KLHL29: variants seen among roughly 807,000 people sequenced by gnomAD.
KLHL29 encodes the protein kelch like family member 29.
Under a neutral mutation model 80.4 loss-of-function variants are expected in KLHL29, and 21 were observed. The ratio of observed to expected loss-of-function variants is 0.26; its 90% confidence interval spans 0.19 to 0.38. KLHL29 has a LOEUF of 0.38. Among genes scored for constraint, KLHL29 ranks in the 10% least tolerant of loss-of-function variants. KLHL29 has a pLI of 1.00. For synonymous variants in KLHL29, 511 were observed against 526.8 expected (o/e 0.97, Z 0.41); for missense variants, 867 against 1,223.9 (o/e 0.71, Z 4.35).
intron 2 of KLHL29, among the ~76,000 whole-genome samples, chr2:23,481,160 A>G (rs1379293852): frequency 3.3e-5 from 5 of 152,202 alleles, no homozygotes; most frequent in Non-Finnish European, 7.3e-5. Context: ...AGGTGGATCC[A>G]GGCATCTGGA....
chr2:23,537,417 T>TACAC (rs5741924), intron 2 of KLHL29, among the ~76,000 whole-genome samples: 61 of 149,152 alleles, frequency 4.1e-4, no homozygotes, highest in South Asian at 8.8e-4. Context: ...GGGCAGAAAC[T>TACAC]ACACACACAC....
chr2:23,642,781 C>G lies in KLHL29; in HGVS notation c.871C>G (p.His291Asp), dbSNP rs1169123165. 4.5e-6 allele frequency: 7 copies of G among 1,550,434 alleles called. No homozygotes were observed. Among genetic ancestry groups the G allele is most frequent in the Non-Finnish European group, 6.1e-6 (7 of 1,146,878 alleles). The part of the protein sequence containing the change: ...TNGPPTTDSA[H>D]GLQMLRTIGV... ...TGGGCCCCCCACAACCGACTCGGCC[C>G]ACGGGCTGCAGATGCTGCGGACCAT... The change falls in exon 5 of 14, where the codon CAC becomes GAC. Residue 291 changes from histidine (H) to aspartate (D), a missense_variant. By Grantham distance (81) the His-to-Asp change is moderately conservative. Around this residue, in one of 2 missense-constraint regions of KLHL29, gnomAD observed 424 missense variants for 456.9 expected, o/e 0.93. Coordinates refer to ENST00000486442, the MANE Select transcript of KLHL29 (RefSeq NM_052920.2).
chr2:23,587,218 C>A (rs996943738), intron 3 of KLHL29, among the ~76,000 whole-genome samples: 12 of 149,972 alleles, frequency 8.0e-5, no homozygotes, highest in African/African-American at 2.7e-4. Flanking sequence ...TTCTTTTCCT[C>A]CTTATTTTCT....
At chr2:23,479,762 C>G (rs558136222) in intron 2 of KLHL29, among the ~76,000 whole-genome samples, 150 of 152,366 alleles carry the variant, frequency 9.8e-4, no homozygotes, top group Non-Finnish European at 1.8e-3. Context: ...CCCTCCCTCC[C>G]TTAGCCATGC....
At chr2:23,656,229 G>A (rs553994442) in intron 5 of KLHL29, among the ~76,000 whole-genome samples, 3 of 152,338 alleles carry the variant, frequency 2.0e-5, no homozygotes, top group Middle Eastern at 3.4e-3. Flanking sequence ...CAAGGGGACC[G>A]TCGCCGGCAG....
intron 2 of KLHL29, among the ~76,000 whole-genome samples, chr2:23,544,063 T>A (rs1666920632): frequency 6.6e-6 from 1 of 152,170 alleles, no homozygotes. Flanking sequence ...CCCAGGGGAA[T>A]AATTCATTTC....
chr2:23,409,139 G>C (rs1666801560), intron 1 of KLHL29, among the ~76,000 whole-genome samples: 1 of 152,164 alleles, frequency 6.6e-6, no homozygotes, highest in Non-Finnish European at 1.5e-5. Flanking sequence ...GAACCAGTCA[G>C]ACATCACTTT....
intron 3 of KLHL29, among the ~76,000 whole-genome samples, chr2:23,594,867 A>G (rs978113565): frequency 6.6e-6 from 1 of 152,198 alleles, no homozygotes; most frequent in Non-Finnish European, 1.5e-5. Context: ...TAAGGTCAGG[A>G]CATTTATTTA....
intron 2 of KLHL29, among the ~76,000 whole-genome samples, chr2:23,528,244 A>G (rs906072100): frequency 5.9e-5 from 9 of 152,180 alleles, no homozygotes; most frequent in African/African-American, 2.2e-4. Flanking sequence ...GTGACAAAAA[A>G]AAATTCCATC....
At chr2:23,520,052 A>G (rs1666046256) in intron 2 of KLHL29, among the ~76,000 whole-genome samples, 1 of 152,182 alleles carries the variant, frequency 6.6e-6, no homozygotes, top group South Asian at 2.1e-4. Context: ...AGGCCCCAAG[A>G]TATTTTCCTT....
At chr2:23,585,662 AC>A (rs1261549479) in intron 3 of KLHL29, among the ~76,000 whole-genome samples, 1 of 151,208 alleles carries the variant, frequency 6.6e-6, no homozygotes, top group Non-Finnish European at 1.5e-5. Context: ...CACCATGCCC[AC>A]CCCTGCCAGC....
At chr2:23,539,817 T>G (rs995775262) in intron 2 of KLHL29, among the ~76,000 whole-genome samples, 2 of 152,160 alleles carry the variant, frequency 1.3e-5, no homozygotes, top group Non-Finnish European at 2.9e-5. Flanking sequence ...CTTGGCAGTC[T>G]CCATAGTTTA....
chr2:23,573,042 G>A (rs1038447963), intron 3 of KLHL29, among the ~76,000 whole-genome samples: 16 of 131,594 alleles, frequency 1.2e-4, no homozygotes, highest in African/African-American at 3.8e-4. Flanking sequence ...ACGTAACCCC[G>A]TGGTGAGCTA....
rs557054051 is a variant in KLHL29, at chr2:23,451,610, TC to T, written c.-153-23949del. Among the ~76,000 whole-genome samples the T allele has an allele frequency of 6.0e-4, 92 of 152,250 alleles. 2 individuals carry two copies. The East Asian group carries it at 7.5e-3, about 12-fold the overall frequency. ...TGCCTTTAAGGGAATAGAAAGTTTT[TC>T]TCCCCAGCTCCCAGTGAAAGCAGCT... On this transcript the variant is annotated intron_variant, in intron 1 of 13. Transcript: ENST00000486442.
chr2:23,387,717 A>G (rs907621243), intron 1 of KLHL29, among the ~76,000 whole-genome samples: 4 of 152,140 alleles, frequency 2.6e-5, no homozygotes, highest in Admixed American at 2.6e-4. Flanking sequence ...AGGTGTTTAT[A>G]CAGGTATGGA....
At chr2:23,469,782 A>G (rs1472004290) in intron 1 of KLHL29, among the ~76,000 whole-genome samples, 1 of 152,158 alleles carries the variant, frequency 6.6e-6, no homozygotes, top group Non-Finnish European at 1.5e-5. Context: ...CCCTGCCGAC[A>G]TCTTCAGTGC....
In KLHL29 at chr2:23,536,918, A is replaced by ACACACACACACACACTCTCT. The variant is rs143009876; in HGVS notation, c.-45-25233_-45-25232insACACACACACACACTCTCTC. ...CACACACACACACACACACACACAC[A>ACACACACACACACACTCTCT]CTCTCTCTCTCCCTCTCTCGCTCTC... On this transcript the variant is annotated intron_variant, in intron 2 of 13. Transcript: ENST00000486442. 1.9e-3 allele frequency among the ~76,000 whole-genome samples: 269 copies of ACACACACACACACACTCTCT among 140,726 alleles called. 2 individuals carry two copies. The highest frequency in any genetic ancestry group is 6.5e-3 in the African/African-American group (241 of 36,992). 92.3% of individuals were successfully genotyped at this position (140,726 alleles called of 152,430 possible). A position where few individuals can be genotyped will look rare whatever the true frequency, so the allele number is the denominator to read the frequency against.
Position 23,524,061 on chromosome 2 carries a change from G to A in KLHL29, c.-45-38091G>A, listed in dbSNP as rs866091141. The A allele has an allele frequency of 2.5e-5, 12 of 471,250 alleles. No individual in the cohort carries two copies. The Middle Eastern group carries it at 3.2e-3, about 127-fold the overall frequency. 29.2% of individuals were successfully genotyped at this position (471,250 alleles called of 1,614,324 possible). A position where few individuals can be genotyped will look rare whatever the true frequency, so the allele number is the denominator to read the frequency against. ...ACCAGCATGCCTTCCTCTTCCGAAG[G>A]CCTTCCCCATCTAGGGTTTTTTCTC... On this transcript the variant is annotated intron_variant, in intron 2 of 13. Coordinates refer to ENST00000486442, the MANE Select transcript of KLHL29 (RefSeq NM_052920.2).
intron 1 of KLHL29, among the ~76,000 whole-genome samples, chr2:23,412,113 T>C (rs1211296654): frequency 1.8e-5 from 1 of 54,842 alleles, no homozygotes; most frequent in Non-Finnish European, 3.4e-5. Flanking sequence ...CAAAAATGTG[T>C]GTGCGTGAAG....
Sources: allele counts gnomAD v4.1 joint callset (sites outside exome capture counted in the v4.1 genomes callset), GRCh38; gene constraint gnomAD v4.1.1; regional missense constraint gnomAD v4.1.1; transcripts MANE v1.5; gene names NCBI Gene and HGNC (gene_info 2026-07-23, HGNC 2026-07-21).